PRKN: variants seen among roughly 807,000 people sequenced by gnomAD.
PRKN encodes the protein E3 ubiquitin-protein ligase parkin.
A neutral mutation model predicts 59.5 loss-of-function variants in PRKN; 56 were observed. The observed-to-expected ratio is 0.94, with a 90% CI of 0.76 to 1.18. The LOEUF (loss-of-function observed/expected upper bound fraction) is 1.18. Ranked by LOEUF, PRKN falls within the 50% of genes most tolerant of loss-of-function variation. The pLI, the probability that PRKN is intolerant of heterozygous loss-of-function variation, is 0.00. For synonymous variants in PRKN, 250 were observed against 222.1 expected, an observed-to-expected ratio of 1.13 and a Z score of -1.12; for missense variants, 657 against 596.4, an observed-to-expected ratio of 1.10 and a Z score of -1.06.
At chr6:162,556,127 T>C (rs1779558730) in intron 1 of PRKN, among the ~76,000 whole-genome samples, 1 of 152,082 alleles carries the variant, frequency 6.6e-6, no homozygotes, top group South Asian at 2.1e-4. Flanking sequence ...AATACATCCG[T>C]ACTGTGTGAA....
rs374346744 is a variant in PRKN, at chr6:161,498,521, C to T, written c.1083+50333G>A. On this transcript the variant is annotated intron_variant, in intron 9 of 11. Coordinates refer to ENST00000366898, the MANE Select transcript of PRKN (RefSeq NM_004562.3). The surrounding 1 kb of genome is among the most constrained non-coding windows in gnomAD (Gnocchi z 4.2). ...GTGCTGTCCTAACCCAGTTAGATGT[C>T]GTCAAATGCCTTGTTTGGCCAATGA... Among the ~76,000 whole-genome samples the T allele has an allele frequency of 3.0e-4, 45 of 152,250 alleles. No homozygotes were observed. The South Asian group carries it at 6.2e-3, about 21-fold the overall frequency.
chr6:162,143,057 A>C (rs1781856334), intron 4 of PRKN, among the ~76,000 whole-genome samples: 1 of 152,138 alleles, frequency 6.6e-6, no homozygotes, highest in African/African-American at 2.4e-5. Context: ...GATGTTCTTT[A>C]TTTATTTATA....
At chr6:162,545,717 A>T (rs1028401155) in intron 1 of PRKN, among the ~76,000 whole-genome samples, 1 of 152,224 alleles carries the variant, frequency 6.6e-6, no homozygotes, top group Non-Finnish European at 1.5e-5. Flanking sequence ...AGTTTGAATT[A>T]ATCACAGATT....
intron 1 of PRKN, among the ~76,000 whole-genome samples, chr6:162,523,481 A>G (rs1419273884): frequency 1.3e-5 from 2 of 152,092 alleles, no homozygotes; most frequent in South Asian, 2.1e-4. Context: ...CCTGGCCAAC[A>G]TGGTGAAACT....
At chr6:162,356,782 C>T (rs191626491) in intron 2 of PRKN, among the ~76,000 whole-genome samples, 155 of 114,092 alleles carry the variant, frequency 1.4e-3, no homozygotes, top group Non-Finnish European at 2.3e-3. Flanking sequence ...ATAAGATAGA[C>T]AATAAACAAA....
intron 5 of PRKN, among the ~76,000 whole-genome samples, chr6:161,978,011 T>TTATTG (rs1438484465): frequency 2.0e-5 from 3 of 148,298 alleles, no homozygotes; most frequent in Admixed American, 6.7e-5. Context: ...TGCAGTTATT[T>TTATTG]TATTGTATTT....
intron 6 of PRKN, among the ~76,000 whole-genome samples, chr6:161,898,072 A>G (rs969119253): frequency 2.6e-5 from 4 of 152,040 alleles, no homozygotes; most frequent in Non-Finnish European, 1.5e-5. Context: ...AGTTTTAAGA[A>G]GGATGACTAT....
Position 161,757,871 on chromosome 6 carries a change from C to CTCTCTCTGTG in PRKN, c.871+27900_871+27901insCACAGAGAGA, listed in dbSNP as rs1380898753. ...TCTCTCTCTCTCTCTCTCTCTCTCT[C>CTCTCTCTGTG]TGTGTATATATATATACACACACAC... On this transcript the variant is annotated intron_variant, in intron 7 of 11. Coordinates refer to ENST00000366898, the MANE Select transcript of PRKN (RefSeq NM_004562.3). Among the ~76,000 whole-genome samples, 535 of 97,936 alleles carry CTCTCTCTGTG rather than the reference C, an allele frequency of 5.5e-3. 25 individuals are homozygous for CTCTCTCTGTG. Among genetic ancestry groups the CTCTCTCTGTG allele is most frequent in the Non-Finnish European group, 7.4e-3 (393 of 53,174 alleles). 64.2% of individuals were successfully genotyped at this position (97,936 alleles called of 152,430 possible).
rs1423651982 is a variant in PRKN at position 161,377,670 on chromosome 6, C to G, written c.1167+9124G>C. On this transcript the variant is annotated intron_variant, in intron 10 of 11. Transcript: ENST00000366898. The surrounding 1 kb of genome is among the most constrained non-coding windows in gnomAD (Gnocchi z 4.2). ...AAGGCGGTGGGATTAGGAGGTGAGG[C>G]CTTTGCAAGGTGATTGGGTCATAAG... Among the ~76,000 whole-genome samples, 2 of 152,052 alleles carry G rather than the reference C, an allele frequency of 1.3e-5. No homozygotes were observed. Among genetic ancestry groups the G allele is most frequent in the East Asian group, 3.9e-4 (2 of 5,158 alleles).
chr6:162,303,696 T>C (rs1159542319), intron 2 of PRKN, among the ~76,000 whole-genome samples: 1 of 152,230 alleles, frequency 6.6e-6, no homozygotes, highest in Admixed American at 6.5e-5. Flanking sequence ...AAAAGATGTC[T>C]GTAAACCACA....
At chr6:161,765,115 T>G (rs1416793216) in intron 7 of PRKN, among the ~76,000 whole-genome samples, 2 of 152,232 alleles carry the variant, frequency 1.3e-5, no homozygotes, top group Non-Finnish European at 2.9e-5. Flanking sequence ...AAACAGTATA[T>G]TCCTGTTAAG....
intron 7 of PRKN, among the ~76,000 whole-genome samples, chr6:161,591,025 C>T (rs970683667): frequency 3.9e-5 from 6 of 152,034 alleles, no homozygotes; most frequent in South Asian, 2.1e-4. Flanking sequence ...TTCCTGACTT[C>T]GATCATTATA....
chr6:161,985,124 T>C (rs1562438502), intron 5 of PRKN, among the ~76,000 whole-genome samples: 1 of 152,224 alleles, frequency 6.6e-6, no homozygotes. Context: ...CGCAGTGACT[T>C]ATGCGATGTC....
rs1431255748 is a variant in PRKN at position 161,457,753 on chromosome 6, C to T, written c.1084-70876G>A. ...GTTCTGAAAATAGGGAGAATGGGAA[C>T]CACCAACTTCCTGTGTGTGTGTTAC... On this transcript the variant is annotated intron_variant, in intron 9 of 11. Coordinates refer to ENST00000366898, the MANE Select transcript of PRKN (RefSeq NM_004562.3). The surrounding 1 kb of genome is among the most constrained non-coding windows in gnomAD (Gnocchi z 5.0). Among the ~76,000 whole-genome samples, 1 of 152,204 alleles carries T rather than the reference C, an allele frequency of 6.6e-6. No individual in the cohort carries two copies. The highest frequency in any genetic ancestry group is 2.4e-5 in the African/African-American group (1 of 41,456).
chr6:162,467,819 C>T (rs140066856), intron 1 of PRKN, among the ~76,000 whole-genome samples: 1 of 151,958 alleles, frequency 6.6e-6, no homozygotes, highest in Non-Finnish European at 1.5e-5. Flanking sequence ...CACGCTCCCG[C>T]TACGCCGCCC....
At chr6:162,588,236 C>A (rs1196935544) in intron 1 of PRKN, among the ~76,000 whole-genome samples, 1 of 151,838 alleles carries the variant, frequency 6.6e-6, no homozygotes, top group Non-Finnish European at 1.5e-5. Flanking sequence ...GTCTTGAACT[C>A]CTGACCTCAA....
chr6:161,968,702 A>G (rs920998425), intron 6 of PRKN, among the ~76,000 whole-genome samples: 1 of 152,220 alleles, frequency 6.6e-6, no homozygotes, highest in Non-Finnish European at 1.5e-5. Context: ...ATAAGAATAA[A>G]AAATAGATTT....
intron 2 of PRKN, among the ~76,000 whole-genome samples, chr6:162,305,219 T>A (rs949559618): frequency 3.9e-5 from 6 of 152,192 alleles, no homozygotes; most frequent in Non-Finnish European, 8.8e-5. Context: ...CAATATGTCA[T>A]GGCTAATTAT....
intron 2 of PRKN, among the ~76,000 whole-genome samples, chr6:162,433,603 T>G (rs1462210918): frequency 6.6e-6 from 1 of 152,198 alleles, no homozygotes; most frequent in Non-Finnish European, 1.5e-5. Flanking sequence ...ACAGGTAAAC[T>G]GAGGAAGCAG....
Sources: gnomAD v4.1 joint callset for allele counts (sites outside exome capture counted in the v4.1 genomes callset) on GRCh38, gnomAD v4.1.1 for gene constraint, Gnocchi (gnomAD v3.1) non-coding constraint, MANE v1.5 for transcripts, NCBI Gene and HGNC (gene_info 2026-07-23, HGNC 2026-07-21) for gene names.